The following USP25 variants were observed in gnomAD, a reference collection of about 807,000 sequenced individuals.
The protein encoded by USP25 is ubiquitin carboxyl-terminal hydrolase 25.
Under a neutral mutation model 158.5 loss-of-function variants are expected in USP25, and 85 were observed. That is an observed-to-expected ratio of 0.54 (90% CI 0.45 to 0.64). USP25 has a LOEUF of 0.64. Ranked by LOEUF, USP25 falls within the 30% of genes least tolerant of loss-of-function variation. USP25 has a pLI of 0.00. For missense variants in USP25, 1,242 were observed against 1,327.3 expected (o/e 0.94, Z 1.00); for synonymous variants, 464 against 460.4 (o/e 1.01, Z -0.10).
chr21:15,816,891 G>A lies in USP25; in HGVS notation c.932-1807G>A, dbSNP rs1480545919. Among the ~76,000 whole-genome samples the A allele has an allele frequency of 6.6e-6, 1 of 152,066 alleles. No homozygotes were observed. The highest frequency in any genetic ancestry group is 1.5e-5 in the Non-Finnish European group (1 of 68,008). ...TCATGCCTGTAATCCCAGCACTTTGGGAGGCTGAGGCAGGTGGATCACTTG... is the reference window on the plus strand; with the variant it reads ...TCATGCCTGTAATCCCAGCACTTTGAGAGGCTGAGGCAGGTGGATCACTTG... On this transcript the variant is annotated intron_variant, in intron 9 of 25. Coordinates refer to ENST00000400183, the MANE Select transcript of USP25 (RefSeq NM_001283041.3). The surrounding 1 kb of genome is among the most constrained non-coding windows in gnomAD (Gnocchi z 4.0).
In USP25 at chr21:15,816,406, G is replaced by A. The variant is rs190297788; in HGVS notation, c.932-2292G>A. ...CACTTTCCATATTGAATTCTTACCA[G>A]TTGTTAATGCTGATGACTCTTAACC... On this transcript the variant is annotated intron_variant, in intron 9 of 25. Transcript: ENST00000400183. This position sits in a 1 kb window ranked among gnomAD's most constrained non-coding sequence, Gnocchi z 4.0. 3.5e-3 allele frequency among the ~76,000 whole-genome samples: 532 copies of A among 152,244 alleles called. No homozygotes were observed. The highest frequency in any genetic ancestry group is 6.1e-3 in the Non-Finnish European group (412 of 68,004).
intron 1 of USP25, among the ~76,000 whole-genome samples, chr21:15,758,929 A>C (rs966710563): frequency 8.5e-5 from 13 of 152,174 alleles, no homozygotes; most frequent in Admixed American, 7.9e-4. Flanking sequence ...GCTACAACTC[A>C]ATGTGAAATT....
At chr21:15,764,575 C>G (rs1248865284) in intron 2 of USP25, among the ~76,000 whole-genome samples, 1 of 151,986 alleles carries the variant, frequency 6.6e-6, no homozygotes, top group African/African-American at 2.4e-5. Context: ...ATTTTTAGCT[C>G]TAAAAAGTAA....
chr21:15,801,549 T>G (rs1164611919), intron 6 of USP25, among the ~76,000 whole-genome samples: 1 of 151,574 alleles, frequency 6.6e-6, no homozygotes, highest in African/African-American at 2.4e-5. Flanking sequence ...CCTTGACATC[T>G]TTGAAGCAAA....
chr21:15,805,218 A>G lies in USP25; in HGVS notation c.740A>G (p.Glu247Gly). Residue 247 changes from glutamate (E) to glycine (G), a missense_variant, in exon 7 of 26, where the codon GAA (glutamate) becomes GGA (glycine). Coordinates refer to ENST00000400183, the MANE Select transcript of USP25 (RefSeq NM_001283041.3). ...TATGTTGATCCATCAAGAGCAGTTG[A>G]AATTCTTAAGGATGCTTTCAAATCA... is the stretch of plus-strand genomic sequence containing the variant. ...RKYVDPSRAV[E>G]ILKDAFKSND... is the part of the protein sequence containing the mutation. The G allele has an allele frequency of 6.2e-7, 1 of 1,607,360 alleles. No individual in the cohort carries two copies. Among genetic ancestry groups the G allele is most frequent in the Non-Finnish European group, 8.5e-7 (1 of 1,177,522 alleles).
chr21:15,732,041 TTAAA>T (rs2079332121), intron 1 of USP25, among the ~76,000 whole-genome samples: 2 of 152,244 alleles, frequency 1.3e-5, no homozygotes, highest in South Asian at 4.1e-4. Flanking sequence ...CTAAACTGTA[TTAAA>T]TAACTATGCA....
At chr21:15,730,542 G>A in intron 1 of USP25, 104 bp downstream of exon 1, 3 of 1,217,722 alleles carry the variant, frequency 2.5e-6, no homozygotes, top group Non-Finnish European at 3.1e-6. Context: ...GCCTTCCCGG[G>A]CTTCCTCCCC....
At chr21:15,767,632 G>T (rs970065710) in intron 3 of USP25, among the ~76,000 whole-genome samples, 1 of 151,910 alleles carries the variant, frequency 6.6e-6, no homozygotes, top group Admixed American at 6.6e-5. Flanking sequence ...ATAATATTTT[G>T]GATATTTCAA....
rs544902388 is a variant in USP25, at chr21:15,849,808, T to C, written c.2483T>C (p.Ile828Thr). ...IMMTPNMQGI[I>T]MAIGKSRSVY... ...ATGACACCGAACATGCAAGGTATTA[T>C]CATGGCGATAGGTAAATCCAGGAGT... The change falls in exon 20 of 26, where the codon ATC (isoleucine) becomes ACC (threonine). Residue 828 changes from isoleucine (I) to threonine (T), a missense_variant. Coordinates refer to ENST00000400183, the MANE Select transcript of USP25 (RefSeq NM_001283041.3). 1,341 of 1,544,928 alleles carry C rather than the reference T, an allele frequency of 8.7e-4. 10 individuals are homozygous for C. Among genetic ancestry groups the C allele is most frequent in the Non-Finnish European group, 2.7e-4 (308 of 1,144,354 alleles).
intron 17 of USP25, among the ~76,000 whole-genome samples, chr21:15,839,311 C>T (rs2038214474): frequency 1.3e-5 from 2 of 151,950 alleles, no homozygotes; most frequent in African/African-American, 4.8e-5. Flanking sequence ...TAGCTGTGGG[C>T]CACTAGTGAT....
At chr21:15,842,664 A>G in intron 18 of USP25, 124 bp downstream of exon 18, 2 of 1,214,968 alleles carry the variant, frequency 1.6e-6, no homozygotes, top group Middle Eastern at 2.1e-4. Context: ...TGCCATGGGC[A>G]TGATCAGTGA....
intron 3 of USP25, among the ~76,000 whole-genome samples, chr21:15,776,471 C>CT (rs1328340067): frequency 2.0e-5 from 3 of 151,936 alleles, no homozygotes; most frequent in Admixed American, 6.6e-5. Flanking sequence ...ATATACATTA[C>CT]TTTTTTTCAT....
chr21:15,750,215 T>TGTGTGTGTA (rs1491098028), intron 1 of USP25, among the ~76,000 whole-genome samples: 7 of 9,100 alleles, frequency 7.7e-4, no homozygotes, highest in African/African-American at 9.3e-4. Context: ...TGTGTGTATG[T>TGTGTGTGTA]TTTTTTTTTT....
rs2037542355 is a variant in USP25 at position 15,827,049 on chromosome 21, A to T, written c.1539A>T (p.Ser513=). ...STSPSSVAAI[S]SRSVIHKPFT... ...CACCTTCATCAGTTGCTGCCATTTC[A>T]TCGAGATCAGTAATACACAAACCAT... Residue 513 remains serine, a synonymous_variant, in exon 14 of 26, where the codon TCA becomes TCT. Coordinates refer to ENST00000400183, the MANE Select transcript of USP25 (RefSeq NM_001283041.3). 6.2e-7 allele frequency: 1 copy of T among 1,614,202 alleles called. No individual in the cohort carries two copies. Among genetic ancestry groups the T allele is most frequent in the Non-Finnish European group, 8.5e-7 (1 of 1,180,022 alleles).
At chr21:15,820,974 G>A (rs1024707106) in intron 10 of USP25, among the ~76,000 whole-genome samples, 23 of 151,880 alleles carry the variant, frequency 1.5e-4, no homozygotes, top group Non-Finnish European at 5.9e-5. Context: ...CAAAATAACT[G>A]CTTAAATATT....
At chr21:15,808,546 T>TTGTGTGTGTGTGTGTGTGTGTGTG (rs35849786) in intron 7 of USP25, among the ~76,000 whole-genome samples, 4 of 148,380 alleles carry the variant, frequency 2.7e-5, no homozygotes, top group African/African-American at 9.9e-5. Flanking sequence ...TGGTTTTTGA[T>TTGTGTGTGTGTGTGTGTGTGTGTG]TGTGTGTGTG....
chr21:15,805,354 A>G (rs562538065), intron 7 of USP25, 96 bp downstream of exon 7: 6 of 1,202,884 alleles, frequency 5.0e-6, no homozygotes, highest in Non-Finnish European at 6.5e-6. Context: ...TTTGAGATGC[A>G]TGATTCTGCT....
At chr21:15,857,324 A>G (rs1486167760) in intron 20 of USP25, among the ~76,000 whole-genome samples, 1 of 152,250 alleles carries the variant, frequency 6.6e-6, no homozygotes, top group Admixed American at 6.5e-5. Flanking sequence ...TTTTGTGCAT[A>G]TATTATTGAA....
intron 20 of USP25, among the ~76,000 whole-genome samples, chr21:15,862,771 T>C (rs2039485813): frequency 6.6e-6 from 1 of 151,768 alleles, no homozygotes; most frequent in Non-Finnish European, 1.5e-5. Flanking sequence ...GTCAGTTTTT[T>C]CAAGGGAAAA....
Sources: allele counts gnomAD v4.1 joint callset (sites outside exome capture counted in the v4.1 genomes callset), GRCh38; gene constraint gnomAD v4.1.1; non-coding constraint Gnocchi (gnomAD v3.1); transcripts MANE v1.5; gene names NCBI Gene and HGNC (gene_info 2026-07-23, HGNC 2026-07-21).